The following CCSER1 variants were observed in gnomAD, a reference collection of about 807,000 sequenced individuals.
CCSER1 encodes coiled-coil serine rich protein 1, also known as serine-rich coiled-coil domain-containing protein 1.
Under a neutral mutation model 82.0 loss-of-function variants are expected in CCSER1, and 41 were observed. The ratio of observed to expected loss-of-function variants is 0.50; its 90% CI spans 0.39 to 0.65. The LOEUF (loss-of-function observed/expected upper bound fraction) is 0.65. Ranked by LOEUF, CCSER1 falls within the 30% of genes least tolerant of loss-of-function variation. The probability of loss-of-function intolerance (pLI) is 0.00; values close to 1 mark genes in which losing one functional copy is unlikely to be tolerated. For missense variants in CCSER1, 1,119 were observed against 1,064.2 expected, an observed-to-expected ratio of 1.05 and a Z score of -0.72; for synonymous variants, 414 against 383.9, an observed-to-expected ratio of 1.08 and a Z score of -0.92.
intron 1 of CCSER1, among the ~76,000 whole-genome samples, chr4:90,171,177 TA>T (rs60550217): frequency 3.6e-4 from 53 of 147,636 alleles, no homozygotes; most frequent in Middle Eastern, 7.0e-3. Flanking sequence ...GGCAGAAATG[TA>T]AAAAAAAAAT....
chr4:91,553,236 G>A lies in CCSER1; in HGVS notation c.2218-45336G>A, dbSNP rs147942618. On this transcript the variant is annotated intron_variant, in intron 10 of 10. Coordinates refer to ENST00000509176, the MANE Select transcript of CCSER1 (RefSeq NM_001145065.2). ...AGATGTTGAACATCCTTGCATCTCAGTGATGAATCCCACTTGATCATAGTG... is the reference window on the plus strand; with the variant it reads ...AGATGTTGAACATCCTTGCATCTCAATGATGAATCCCACTTGATCATAGTG... Among the ~76,000 whole-genome samples, 474 of 151,576 alleles carry A rather than the reference G, an allele frequency of 3.1e-3. 14 individuals are homozygous for A. The highest frequency in any genetic ancestry group is 0.011 in the African/African-American group (466 of 41,272).
intron 10 of CCSER1, among the ~76,000 whole-genome samples, chr4:91,586,655 A>G (rs1456524562): frequency 6.6e-6 from 1 of 151,842 alleles, no homozygotes; most frequent in African/African-American, 2.4e-5. Context: ...CAGTGGGATG[A>G]TGAACAAGGT....
intron 5 of CCSER1, among the ~76,000 whole-genome samples, chr4:90,513,153 A>G (rs1474974820): frequency 6.6e-6 from 1 of 152,140 alleles, no homozygotes; most frequent in Non-Finnish European, 1.5e-5. Context: ...TCTACTTAGC[A>G]TGGTTTTATG....
chr4:90,324,282 A>T (rs1250201411), intron 3 of CCSER1, among the ~76,000 whole-genome samples: 3 of 151,958 alleles, frequency 2.0e-5, no homozygotes, highest in Non-Finnish European at 4.4e-5. Context: ...TTACAGTCCC[A>T]CCAACAGTGT....
intron 1 of CCSER1, among the ~76,000 whole-genome samples, chr4:90,196,153 A>T (rs1386846752): frequency 3.4e-5 from 5 of 148,836 alleles, no homozygotes. Flanking sequence ...CTGGTCAATG[A>T]AATGTAAGGG....
intron 8 of CCSER1, among the ~76,000 whole-genome samples, chr4:90,873,375 A>G (rs1042143621): frequency 6.6e-6 from 1 of 152,010 alleles, no homozygotes; most frequent in Non-Finnish European, 1.5e-5. Flanking sequence ...AGACTGATGC[A>G]TTCTTCAGTG....
chr4:90,401,009 G>A (rs1239205590), intron 4 of CCSER1, among the ~76,000 whole-genome samples: 1 of 152,106 alleles, frequency 6.6e-6, no homozygotes, highest in South Asian at 2.1e-4. Context: ...AACCTCTGTA[G>A]TTATTTTTAG....
rs556155039 is a variant in CCSER1 at position 91,047,298 on chromosome 4, A to G, written c.2173-38652A>G. ...GCATATGTATAACACATACATATAT[A>G]TTCACCTCAGAATGATTTCCACTTA... is the stretch of plus-strand genomic sequence containing the variant. On this transcript the variant is annotated intron_variant, in intron 9 of 10. Transcript: ENST00000509176. Among the ~76,000 whole-genome samples, 16 of 152,244 alleles carry G rather than the reference A, an allele frequency of 1.1e-4. 1 individual carries two copies. In the South Asian group the frequency reaches 3.3e-3, roughly 32 times the overall value.
chr4:90,464,983 G>T (rs556784224), intron 4 of CCSER1, among the ~76,000 whole-genome samples: 1 of 152,072 alleles, frequency 6.6e-6, no homozygotes, highest in Non-Finnish European at 1.5e-5. Context: ...TTTTGTTTTC[G>T]AGACGGGGTC....
intron 3 of CCSER1, among the ~76,000 whole-genome samples, chr4:90,382,458 A>T (rs1053936164): frequency 6.6e-6 from 1 of 152,102 alleles, no homozygotes; most frequent in African/African-American, 2.4e-5. Context: ...TTGATAATAA[A>T]ATACTTCCAA....
intron 1 of CCSER1, among the ~76,000 whole-genome samples, chr4:90,299,343 A>C (rs1301709298): frequency 1.3e-5 from 2 of 152,250 alleles, no homozygotes; most frequent in Non-Finnish European, 2.9e-5. Flanking sequence ...CCAAAGACTG[A>C]CATTTCTTAT....
At chr4:91,585,164 T>A (rs1763928012) in intron 10 of CCSER1, among the ~76,000 whole-genome samples, 1 of 151,504 alleles carries the variant, frequency 6.6e-6, no homozygotes, top group South Asian at 2.1e-4. Context: ...TACTTCACCT[T>A]AGCAAGTAAG....
intron 9 of CCSER1, among the ~76,000 whole-genome samples, chr4:91,067,643 C>G (rs1297266678): frequency 6.6e-6 from 1 of 152,134 alleles, no homozygotes; most frequent in Non-Finnish European, 1.5e-5. Context: ...CTGCACCCAC[C>G]CCATCCTTCT....
intron 6 of CCSER1, among the ~76,000 whole-genome samples, chr4:90,647,913 A>G (rs1469324863): frequency 6.6e-6 from 1 of 152,174 alleles, no homozygotes; most frequent in Non-Finnish European, 1.5e-5. Context: ...AAAAACAGCA[A>G]CAACAAAAAA....
chr4:90,192,385 T>C (rs143229052), intron 1 of CCSER1, among the ~76,000 whole-genome samples: 9 of 152,128 alleles, frequency 5.9e-5, no homozygotes, highest in Non-Finnish European at 8.8e-5. Context: ...AACCATGTCA[T>C]TGTGACACAA....
At chr4:90,616,355 A>G (rs1284155902) in intron 5 of CCSER1, among the ~76,000 whole-genome samples, 1 of 151,928 alleles carries the variant, frequency 6.6e-6, no homozygotes, top group Non-Finnish European at 1.5e-5. Context: ...AGTATGTTAC[A>G]CTCTTCTAAC....
chr4:90,844,155 T>TAG (rs1762913253), intron 8 of CCSER1, among the ~76,000 whole-genome samples: 3 of 146,256 alleles, frequency 2.1e-5, no homozygotes, highest in Non-Finnish European at 4.6e-5. Context: ...GTGTTGTGTA[T>TAG]ATATAGATAG....
intron 5 of CCSER1, among the ~76,000 whole-genome samples, chr4:90,540,977 A>T (rs1776029899): frequency 6.6e-6 from 1 of 152,082 alleles, no homozygotes; most frequent in Non-Finnish European, 1.5e-5. Context: ...TTATTTTCTA[A>T]AATCCTACAT....
At chr4:91,289,031 C>T (rs28645905) in intron 10 of CCSER1, among the ~76,000 whole-genome samples, 18,674 of 151,932 alleles carry the variant, frequency 0.12, 1,190 homozygotes, top group African/African-American at 0.15. Context: ...TTCTCTGAAA[C>T]ACAGTGCAAA....
Sources: gnomAD v4.1 joint callset for allele counts (sites outside exome capture counted in the v4.1 genomes callset) on GRCh38, gnomAD v4.1.1 for gene constraint, MANE v1.5 for transcripts, NCBI Gene and HGNC (gene_info 2026-07-23, HGNC 2026-07-21) for gene names.